LIPC: variants seen among roughly 807,000 people sequenced by gnomAD.
LIPC encodes the protein lipase C, hepatic type.
Under a neutral mutation model 50.7 loss-of-function variants are expected in LIPC, and 44 were observed. The observed-to-expected ratio is 0.87, with a 90% confidence interval of 0.68 to 1.11. The LOEUF is 1.11. LIPC is among the 50% of genes most tolerant of loss of function. The pLI is 0.00. For synonymous variants in LIPC, 271 were observed against 256.4 expected, an observed-to-expected ratio of 1.06 and a Z score of -0.54; for missense variants, 697 against 648.2, an observed-to-expected ratio of 1.08 and a Z score of -0.82.
At chr15:58,516,060 A>G (rs1223450808) in intron 1 of LIPC, among the ~76,000 whole-genome samples, 1 of 152,070 alleles carries the variant, frequency 6.6e-6, no homozygotes, top group Non-Finnish European at 1.5e-5. Context: ...ATGAGTTTCC[A>G]TCCCAACATC....
chr15:58,553,465 G>A (rs1457483512), intron 6 of LIPC, among the ~76,000 whole-genome samples: 3 of 152,192 alleles, frequency 2.0e-5, no homozygotes, highest in Non-Finnish European at 4.4e-5. Flanking sequence ...GTAGAGTGGT[G>A]CATGTCTGTA....
At chr15:58,488,968 TG>T (rs1891472245) in intron 1 of LIPC, among the ~76,000 whole-genome samples, 1 of 152,162 alleles carries the variant, frequency 6.6e-6, no homozygotes. Flanking sequence ...GTGGTCCTGA[TG>T]GCTACTTAAT....
intron 1 of LIPC, among the ~76,000 whole-genome samples, chr15:58,442,019 T>C (rs1893524075): frequency 6.6e-6 from 1 of 152,204 alleles, no homozygotes; most frequent in South Asian, 2.1e-4. Context: ...GTTGCTGTGC[T>C]GTGTTTTCGT....
chr15:58,559,801 G>A (rs1444229424), intron 6 of LIPC, among the ~76,000 whole-genome samples: 1 of 152,082 alleles, frequency 6.6e-6, no homozygotes, highest in African/African-American at 2.4e-5. Context: ...CCACTGGGGA[G>A]AATATGGAGA....
intron 1 of LIPC, among the ~76,000 whole-genome samples, chr15:58,520,818 C>G (rs1892631543): frequency 6.6e-6 from 1 of 152,166 alleles, no homozygotes; most frequent in South Asian, 2.1e-4. Flanking sequence ...TTCCCCATAA[C>G]TCCTATTAAT....
rs1360836119 is a variant in LIPC, at chr15:58,439,141, A to G, written c.88+7021A>G. Among the ~76,000 whole-genome samples, 3 of 152,148 alleles carry G rather than the reference A, an allele frequency of 2.0e-5. No individual in the cohort carries two copies. The South Asian group carries it at 6.2e-4, about 32-fold the overall frequency. On this transcript the variant is annotated intron_variant, in intron 1 of 8. Coordinates refer to ENST00000299022, the MANE Select transcript of LIPC (RefSeq NM_000236.3). ...GACGCTGAGTAGTGTTTATGTCCCA[A>G]CATGAAGAGCAGGCCTCATTGTGTG... is the stretch of plus-strand genomic sequence containing the variant.
intron 1 of LIPC, among the ~76,000 whole-genome samples, chr15:58,531,355 G>A (rs1892953951): frequency 6.6e-6 from 1 of 152,128 alleles, no homozygotes. Context: ...AAGGACTTTA[G>A]GGAAGCAAGC....
chr15:58,488,626 C>G (rs1465430913), intron 1 of LIPC, among the ~76,000 whole-genome samples: 3 of 152,222 alleles, frequency 2.0e-5, no homozygotes, highest in African/African-American at 7.2e-5. Flanking sequence ...TGAAAAGTGT[C>G]CGAAGTACAG....
intron 1 of LIPC, among the ~76,000 whole-genome samples, chr15:58,502,440 C>G (rs771717519): frequency 5.3e-5 from 8 of 151,862 alleles, no homozygotes; most frequent in Admixed American, 2.0e-4. Context: ...AAGGTGGTGT[C>G]GCATCCCTAC....
intron 4 of LIPC, among the ~76,000 whole-genome samples, chr15:58,544,864 G>T (rs74017973): frequency 0.087 from 13,185 of 152,168 alleles, 912 homozygotes; most frequent in East Asian, 0.36. Flanking sequence ...AAAAAAACTT[G>T]GAGCGCATAA....
In LIPC at chr15:58,542,068, G is replaced by A. The variant is rs942555548; in HGVS notation, c.456+101G>A. On this transcript the variant is annotated intron_variant, in intron 3 of 8. Transcript: ENST00000299022. ...GTCTCCAACAGCAGCCCAGGCAGGA[G>A]AAGCACTAATGCTCAGCTCACAGGA... 5.3e-6 allele frequency: 7 copies of A among 1,313,158 alleles called. No individual in the cohort carries two copies. In the Admixed American group the frequency reaches 1.2e-4, roughly 22 times the overall value. 81.3% of individuals were successfully genotyped at this position (1,313,158 alleles called of 1,614,324 possible). A position where few individuals can be genotyped will look rare whatever the true frequency, so the allele number is the denominator to read the frequency against.
At chr15:58,438,592 C>G (rs1244868676) in intron 1 of LIPC, among the ~76,000 whole-genome samples, 1 of 152,192 alleles carries the variant, frequency 6.6e-6, no homozygotes, top group Non-Finnish European at 1.5e-5. Context: ...GGTGGAGGAG[C>G]CGCGGTAAGA....
At chr15:58,563,459 T>C (rs755896856) in intron 7 of LIPC, 46 bp from the exon 8 acceptor site, 3 of 1,483,922 alleles carry the variant, frequency 2.0e-6, no homozygotes, top group Non-Finnish European at 2.8e-6. Context: ...GTCACTTTGC[T>C]GTTACGACTA....
At chr15:58,489,631 TAC>T (rs1891513711) in intron 1 of LIPC, among the ~76,000 whole-genome samples, 1 of 152,194 alleles carries the variant, frequency 6.6e-6, no homozygotes, top group African/African-American at 2.4e-5. Context: ...TCTTAGGCTC[TAC>T]AATAGTGATG....
At chr15:58,563,962 T>G in intron 8 of LIPC, 1 of 527,440 alleles carries the variant, frequency 1.9e-6, no homozygotes, top group Non-Finnish European at 3.5e-6. Flanking sequence ...TGCCCGTGGC[T>G]AACGCTGCCT....
chr15:58,544,309 A>G (rs144446819), intron 4 of LIPC, among the ~76,000 whole-genome samples: 105 of 152,254 alleles, frequency 6.9e-4, no homozygotes, highest in African/African-American at 2.5e-3. Flanking sequence ...GACAGCAGGA[A>G]AGCTCAACAC....
intron 1 of LIPC, among the ~76,000 whole-genome samples, chr15:58,513,545 A>G (rs1430058961): frequency 6.6e-6 from 1 of 152,236 alleles, no homozygotes; most frequent in Non-Finnish European, 1.5e-5. Flanking sequence ...CCCTAAAAAC[A>G]GACCTCAGAA....
At chr15:58,470,191 C>G (rs1170573405) in intron 1 of LIPC, among the ~76,000 whole-genome samples, 1 of 152,132 alleles carries the variant, frequency 6.6e-6, no homozygotes, top group Non-Finnish European at 1.5e-5. Flanking sequence ...TTCAGCCTCC[C>G]AAAGTGCTGA....
chr15:58,537,615 C>T (rs1225970025), intron 1 of LIPC, among the ~76,000 whole-genome samples: 1 of 152,126 alleles, frequency 6.6e-6, no homozygotes, highest in Non-Finnish European at 1.5e-5. Context: ...TGCCTGTGAG[C>T]CTCGACTCAT....
Sources: allele counts gnomAD v4.1 joint callset (sites outside exome capture counted in the v4.1 genomes callset), GRCh38; gene constraint gnomAD v4.1.1; transcripts MANE v1.5; gene names NCBI Gene and HGNC (gene_info 2026-07-23, HGNC 2026-07-21).